The following PRSS36 variants were observed in gnomAD, a reference collection of about 807,000 sequenced individuals.
PRSS36 encodes serine protease 36.
In PRSS36, 90 loss-of-function variants were observed where a neutral mutation model predicts 94.3. That is an observed-to-expected ratio of 0.95 (90% CI 0.80 to 1.14). The LOEUF is 1.14. PRSS36 is among the 50% of genes most tolerant of loss of function. PRSS36 has a pLI of 0.00. For missense variants in PRSS36, 1,158 were observed against 1,135.0 expected (o/e 1.02, Z -0.29); for synonymous variants, 500 against 489.6 (o/e 1.02, Z -0.28).
rs186349611 is a variant in PRSS36 at position 31,141,438 on chromosome 16, G to A, written c.1901+31C>T. On this transcript the variant is annotated intron_variant, in intron 12 of 14. Transcript: ENST00000268281. ...TGGCTCTGTTCCATTCTCCCCTCCCGTCTCTCGCCTAGGAGACGAGTGAGA... is the reference window on the plus strand; with the variant it reads ...TGGCTCTGTTCCATTCTCCCCTCCCATCTCTCGCCTAGGAGACGAGTGAGA... 46 of 1,571,704 alleles carry A rather than the reference G, an allele frequency of 2.9e-5. No individual in the cohort carries two copies. The African/African-American group carries it at 4.6e-4, about 16-fold the overall frequency.
chr16:31,146,745 C>T (rs1010823039), intron 5 of PRSS36, among the ~76,000 whole-genome samples: 29 of 152,072 alleles, frequency 1.9e-4, no homozygotes, highest in Admixed American at 7.9e-4. Flanking sequence ...TTTGGGAGGC[C>T]GAGGCAGGTG....
rs2057634703 is a variant in PRSS36 at position 31,138,948 on chromosome 16, C to T, written c.*190G>A. On this transcript the variant is annotated 3_prime_UTR_variant, in exon 15 of 15. Coordinates refer to ENST00000268281, the MANE Select transcript of PRSS36 (RefSeq NM_173502.5). ...TACCTGTGTTTACACCTTTATTGTC[C>T]GCTCCTCCCACCACCCCCAAGGATT... 3 of 598,178 alleles carry T rather than the reference C, an allele frequency of 5.0e-6. No homozygotes were observed. Among genetic ancestry groups the T allele is most frequent in the East Asian group, 3.0e-5 (1 of 33,186 alleles). The allele number at this position is 598,178 out of a possible 1,614,324, so 37.1% of individuals were successfully genotyped here. A position where few individuals can be genotyped will look rare whatever the true frequency, so the allele number is the denominator to read the frequency against.
rs1260040913 is a variant in PRSS36, at chr16:31,140,515, C to A, written c.2144G>T (p.Gly715Val). The A allele has an allele frequency of 1.7e-5, 27 of 1,578,248 alleles. No individual in the cohort carries two copies. The highest frequency in any genetic ancestry group is 2.3e-5 in the Non-Finnish European group (27 of 1,161,462). ...ACCTCGGTCCTGGGGTTCTTTCCAG[C>A]CCAACACCCAGCAGCTGGCCCCCGG... is the stretch of plus-strand genomic sequence containing the variant. ...IPPGASCWVL[G>V]WKEPQDRVPV... is the part of the protein sequence containing the mutation. Residue 715 changes from glycine (G) to valine (V), a missense_variant, in exon 13 of 15, where the codon GGC becomes GTC. Gly to Val is a moderately radical substitution (Grantham distance 109, BLOSUM62 -3). Transcript: ENST00000268281.
chr16:31,148,030 T>G (rs1227616895), intron 5 of PRSS36, among the ~76,000 whole-genome samples: 1 of 152,154 alleles, frequency 6.6e-6, no homozygotes, highest in African/African-American at 2.4e-5. Context: ...GAAGTGGGTA[T>G]GGCTATTTTC....
rs998162497 is a variant in PRSS36, at chr16:31,147,836, C to T, written c.553+559G>A. 5.3e-5 allele frequency among the ~76,000 whole-genome samples: 8 copies of T among 151,876 alleles called. No individual in the cohort carries two copies. The East Asian group carries it at 1.3e-3, about 26-fold the overall frequency. On this transcript the variant is annotated intron_variant, in intron 5 of 14. Transcript: ENST00000268281. ...GGGGGTGGATGGAATGAGAGGAAGGCGGATGGGAGGGAGGCACAGACTGGC... is the reference window on the plus strand; with the variant it reads ...GGGGGTGGATGGAATGAGAGGAAGGTGGATGGGAGGGAGGCACAGACTGGC...
Position 31,148,743 on chromosome 16 carries a change from A to C in PRSS36, c.273-68T>G, listed in dbSNP as rs909231739. 1.9e-6 allele frequency: 3 copies of C among 1,583,846 alleles called. No individual in the cohort carries two copies. The African/African-American group carries it at 4.0e-5, about 21-fold the overall frequency. On this transcript the variant is annotated intron_variant, in intron 4 of 14. Transcript: ENST00000268281. The stretch of plus-strand genomic sequence containing the variant: ...GAGGGGGCAGACCCTCGTTGGGGGC[A>C]GGGGCTCAGAGCCAGAGGGGCAGGT...
intron 6 of PRSS36, among the ~76,000 whole-genome samples, chr16:31,145,391 A>G (rs1222344842): frequency 3.3e-5 from 5 of 149,958 alleles, no homozygotes; most frequent in African/African-American, 9.8e-5. Context: ...AAAAAAAAAA[A>G]AAGGAACTCC....
Position 31,149,226 on chromosome 16 carries a change from C to T in PRSS36, c.119G>A (p.Arg40His), listed in dbSNP as rs760302885. 9.9e-5 allele frequency: 154 copies of T among 1,556,400 alleles called. No homozygotes were observed. The highest frequency in any genetic ancestry group is 1.3e-4 in the Non-Finnish European group (151 of 1,151,234). Residue 40 changes from arginine to histidine, a missense_variant, in exon 4 of 15, where the codon CGC becomes CAC. Physicochemically the swap from Arg to His is conservative, Grantham distance 29 (BLOSUM62 0). Transcript: ENST00000268281. Reference protein sequence around the residue: ...QEEPEDLDCGRPEPSARIVGG... With the variant: ...QEEPEDLDCGHPEPSARIVGG... ...CACGATGCGGGCCGAGGGCTCAGGG[C>T]GCCCGCAGTCTGCAACGGGGAGCCG...
In PRSS36 at chr16:31,142,609, C is replaced by A; in HGVS notation, c.1393G>T (p.Glu465Ter). Residue 465 changes from glutamate to a stop codon, truncating the protein, a stop_gained, in exon 10 of 15, where the codon GAG becomes TAG. Transcript: ENST00000268281. LOFTEE classifies it high-confidence loss of function. ...TGGCACCACCAGCCGCCTAACAGCT[C>A]CGCCTCCAGCAGCGCGCCTGGGCCA... ...ALGPGALLEAELLGGWWCHCL... is the reference protein window; with the variant it reads ...ALGPGALLEA 2.7e-6 allele frequency: 4 copies of A among 1,508,672 alleles called. No individual in the cohort carries two copies. The highest frequency in any genetic ancestry group is 2.6e-6 in the Non-Finnish European group (3 of 1,132,946). The allele number at this position is 1,508,672 out of a possible 1,614,324, so 93.5% of individuals were successfully genotyped here. A position where few individuals can be genotyped will look rare whatever the true frequency, so the allele number is the denominator to read the frequency against.
intron 6 of PRSS36, among the ~76,000 whole-genome samples, chr16:31,144,628 A>T (rs1487446805): frequency 1.3e-5 from 2 of 152,162 alleles, no homozygotes; most frequent in Non-Finnish European, 2.9e-5. Flanking sequence ...TTGGTTTTTA[A>T]ATTCACTCGG....
At position 31,139,353 on chromosome 16, in the gene PRSS36, C is replaced by T; in HGVS notation, c.2353G>A (p.Ala785Thr). Residue 785 changes from alanine to threonine, a missense_variant, in exon 15 of 15, where the codon GCT (alanine) becomes ACT (threonine). By Grantham distance (58) the Ala-to-Thr change is moderately conservative (BLOSUM62 0). Transcript: ENST00000268281. ...AACAGCTCCCGGCTCCCTTGAACAG[C>T]CATGCCCACGAGGATCCAGGACCCT... ...TEGSWILVGM[A>T]VQGSRELFAA... 1 of 1,614,132 alleles carries T rather than the reference C, an allele frequency of 6.2e-7. No individual in the cohort carries two copies.
rs1276604872 is a variant in PRSS36 at position 31,140,643 on chromosome 16, C to T, written c.2016G>A (p.Gln672=). Residue 672 remains glutamine (Q), a synonymous_variant, in exon 13 of 15, where the codon CAG becomes CAA. Transcript: ENST00000268281. ...SRLVISIRLP[Q]HLGLRPPLAL... ...CCAGGGGGGGCCTGAGTCCCAGGTG[C>T]TGGGGCAGCCGGATGCTGATGACCA... is the stretch of plus-strand genomic sequence containing the variant. The T allele has an allele frequency of 8.7e-6, 14 of 1,613,462 alleles. No homozygotes were observed. Among genetic ancestry groups the T allele is most frequent in the Non-Finnish European group, 1.2e-5 (14 of 1,179,822 alleles).
At chr16:31,143,193 C>A in intron 8 of PRSS36, 149 bp downstream of exon 8, 1 of 1,381,696 alleles carries the variant, frequency 7.2e-7, no homozygotes, top group Non-Finnish European at 9.8e-7. Context: ...CCTGCCAGGC[C>A]AGGACCCCTC....
At chr16:31,143,028 C>T (rs768111567) in intron 8 of PRSS36, 35 bp from the exon 9 acceptor site, 2 of 1,373,162 alleles carry the variant, frequency 1.5e-6, no homozygotes, top group Admixed American at 3.6e-5. Context: ...TGGGCCGGAT[C>T]CCGCACACGT....
At chr16:31,144,958 A>G (rs957086916) in intron 6 of PRSS36, among the ~76,000 whole-genome samples, 4 of 152,120 alleles carry the variant, frequency 2.6e-5, no homozygotes, top group African/African-American at 9.7e-5. Flanking sequence ...GTGGTGGCAC[A>G]TGCCTGTAAT....
In PRSS36 at chr16:31,139,175, T is replaced by C; in HGVS notation, c.2531A>G (p.Tyr844Cys). The stretch of plus-strand genomic sequence containing the variant: ...CAGGAGAGTCAGCAGGAGCAGGAAG[T>C]AGACTGCATGCGGGGATCCCGAGGC... ...AKASGSPHAVYFLLLLTLLIQ... is the reference protein window; with the variant it reads ...AKASGSPHAVCFLLLLTLLIQ... Residue 844 changes from tyrosine (Y) to cysteine (C), a missense_variant, in exon 15 of 15, where the codon TAC becomes TGC. Coordinates refer to ENST00000268281, the MANE Select transcript of PRSS36 (RefSeq NM_173502.5). 1 of 1,595,002 alleles carries C rather than the reference T, an allele frequency of 6.3e-7. No homozygotes were observed. The highest frequency in any genetic ancestry group is 8.6e-7 in the Non-Finnish European group (1 of 1,168,654).
chr16:31,142,978 G>C lies in PRSS36; in HGVS notation c.1116C>G (p.Asp372Glu). ...AGGCGTCGAGGTCGCGGGGTGGGCT[G>C]TCGGAGCTGTTCGGGCTGCGGGATG... ...ASCFLDPNSS[D>E]SPPRDLDAWR... Residue 372 changes from aspartate (D) to glutamate (E), a missense_variant, in exon 9 of 15, where the codon GAC (aspartate) becomes GAG (glutamate). Transcript: ENST00000268281. The C allele has an allele frequency of 7.1e-7, 1 of 1,406,878 alleles. No homozygotes were observed. The highest frequency in any genetic ancestry group is 1.8e-4 in the Middle Eastern group (1 of 5,440). 87.1% of individuals were successfully genotyped at this position (1,406,878 alleles called of 1,614,324 possible).
intron 8 of PRSS36, 145 bp downstream of exon 8, chr16:31,143,197 A>G: frequency 7.2e-7 from 1 of 1,386,180 alleles, no homozygotes; most frequent in African/African-American, 1.5e-5. Context: ...CCAGGCCAGG[A>G]CCCCTCTTTT....
chr16:31,146,392 G>A (rs1450020868), intron 5 of PRSS36, among the ~76,000 whole-genome samples: 3 of 152,110 alleles, frequency 2.0e-5, no homozygotes, highest in Non-Finnish European at 4.4e-5. Flanking sequence ...TCAGTTCCCA[G>A]TTCATGAAAA....
Sources: gnomAD v4.1 joint callset for allele counts (sites outside exome capture counted in the v4.1 genomes callset) on GRCh38, gnomAD v4.1.1 for gene constraint, MANE v1.5 for transcripts, NCBI Gene and HGNC (gene_info 2026-07-23, HGNC 2026-07-21) for gene names.